SYAP1: variants seen among roughly 807,000 people sequenced by gnomAD.
The protein encoded by SYAP1 is synapse-associated protein 1.
A neutral mutation model predicts 29.6 loss-of-function variants in SYAP1; 3 were observed. The ratio of observed to expected loss-of-function variants is 0.10; its 90% confidence interval spans 0.05 to 0.26. The LOEUF (loss-of-function observed/expected upper bound fraction) is 0.26. Ranked by LOEUF, SYAP1 falls within the 10% of genes least tolerant of loss-of-function variation. The pLI, the probability that SYAP1 is intolerant of heterozygous loss-of-function variation, is 1.00. For synonymous variants in SYAP1, 102 were observed against 102.7 expected (o/e 0.99, Z 0.04); for missense variants, 217 against 264.1 (o/e 0.82, Z 1.24).
intron 8 of SYAP1, among the ~76,000 whole-genome samples, chrX:16,759,895 T>C (rs1926943177): frequency 8.9e-6 from 1 of 112,538 alleles, no homozygotes; most frequent in South Asian, 3.6e-4. Flanking sequence ...TCATTGGTAG[T>C]GGTAAAAATT....
chrX:16,742,143 GTTTT>G (rs144175479), intron 4 of SYAP1, among the ~76,000 whole-genome samples: 2 of 41,872 alleles, frequency 4.8e-5, no homozygotes, highest in African/African-American at 1.3e-4. Context: ...TTTTTGTGTG[GTTTT>G]TTTTTTTTTT....
intron 1 of SYAP1, among the ~76,000 whole-genome samples, chrX:16,726,653 A>G (rs1006601670): frequency 1.8e-5 from 2 of 111,289 alleles, no homozygotes; most frequent in Non-Finnish European, 3.8e-5. Flanking sequence ...TCATGCTTGT[A>G]TATTTATTTA....
chrX:16,742,143 GTTTTTTTTTTTTT>G (rs144175479), intron 4 of SYAP1, among the ~76,000 whole-genome samples: 1 of 41,872 alleles, frequency 2.4e-5, no homozygotes, highest in African/African-American at 1.3e-4. Flanking sequence ...TTTTTGTGTG[GTTTTTTTTTTTTT>G]TTTTTTTTTT....
At chrX:16,752,246 G>A (rs942805455) in intron 5 of SYAP1, among the ~76,000 whole-genome samples, 1 of 108,744 alleles carries the variant, frequency 9.2e-6, no homozygotes, top group Admixed American at 1.0e-4. Flanking sequence ...CAAAGGCACT[G>A]GGACTACAGA....
chrX:16,743,593 C>T (rs1304740859), intron 4 of SYAP1, 108 bp from the exon 5 acceptor site: 7 of 737,845 alleles, frequency 9.5e-6, no homozygotes, highest in African/African-American at 2.2e-5. Context: ...GAGATTGCAC[C>T]ACTGCACTCT....
intron 1 of SYAP1, among the ~76,000 whole-genome samples, chrX:16,722,382 G>A (rs1273795058): frequency 9.0e-6 from 1 of 110,621 alleles, no homozygotes; most frequent in East Asian, 2.8e-4. Flanking sequence ...ACAAAAATTA[G>A]CTGGGCGTGG....
In SYAP1 at chrX:16,727,750, C is replaced by G. The variant is rs144415561; in HGVS notation, c.176-7477C>G. Among the ~76,000 whole-genome samples the G allele has an allele frequency of 5.3e-3, 592 of 111,818 alleles. 7 individuals are homozygous for G. Among genetic ancestry groups the G allele is most frequent in the African/African-American group, 0.018 (551 of 30,816 alleles). On this transcript the variant is annotated intron_variant, in intron 1 of 8. Transcript: ENST00000380155. ...GAGGTCCCAAGATAACTTGGGGTTC[C>G]TGGCCTGTCAGAAGGTGACATTCTT... is the stretch of plus-strand genomic sequence containing the variant.
chrX:16,729,183 A>C (rs1926150945), intron 1 of SYAP1, among the ~76,000 whole-genome samples: 1 of 111,740 alleles, frequency 8.9e-6, no homozygotes, highest in African/African-American at 3.2e-5. Flanking sequence ...ATTTTGGAAC[A>C]CATACCAATA....
At chrX:16,754,667 G>A (rs1248276878) in intron 5 of SYAP1, among the ~76,000 whole-genome samples, 1 of 110,296 alleles carries the variant, frequency 9.1e-6, no homozygotes, top group Non-Finnish European at 1.9e-5. Flanking sequence ...GGCGGAGGTT[G>A]CAGTCAGCTG....
chrX:16,760,404 A>C lies in SYAP1; in HGVS notation c.*45A>C, dbSNP rs144608858. ...ATAATCCTTAACAGTCTGCAAACTGACATTAAATTCTAGATGTTGACAATT... is the reference window on the plus strand; with the variant it reads ...ATAATCCTTAACAGTCTGCAAACTGCCATTAAATTCTAGATGTTGACAATT... On this transcript the variant is annotated 3_prime_UTR_variant, in exon 9 of 9. Coordinates refer to ENST00000380155, the MANE Select transcript of SYAP1 (RefSeq NM_032796.4). 17,203 of 1,077,844 alleles carry C rather than the reference A, an allele frequency of 0.016. 217 individuals are homozygous for C. Among genetic ancestry groups the C allele is most frequent in the Admixed American group, 0.099 (2,972 of 29,966 alleles). The allele number at this position is 1,077,844 out of a possible 1,213,427, so 88.8% of individuals were successfully genotyped here.
intron 1 of SYAP1, among the ~76,000 whole-genome samples, chrX:16,735,017 A>C (rs1275922929): frequency 2.8e-5 from 3 of 105,784 alleles, no homozygotes; most frequent in South Asian, 8.7e-4. Context: ...AAAAAAAAAA[A>C]AAAAACAAAA....
intron 1 of SYAP1, among the ~76,000 whole-genome samples, chrX:16,720,461 T>A (rs1925934705): frequency 8.9e-6 from 1 of 112,269 alleles, no homozygotes; most frequent in Non-Finnish European, 1.9e-5. Context: ...AGATGTTTTA[T>A]GAAAGATATC....
In SYAP1 at chrX:16,737,559, G is replaced by A. The variant is rs188032832; in HGVS notation, c.361+1327G>A. ...GTGATTATTTGGAAGCAGCAAAAGTGATCCTGGCTTGGGGACTTGCTGTAG... is the reference window on the plus strand; with the variant it reads ...GTGATTATTTGGAAGCAGCAAAAGTAATCCTGGCTTGGGGACTTGCTGTAG... On this transcript the variant is annotated intron_variant, in intron 3 of 8. Coordinates refer to ENST00000380155, the MANE Select transcript of SYAP1 (RefSeq NM_032796.4). 3.4e-4 allele frequency among the ~76,000 whole-genome samples: 38 copies of A among 111,911 alleles called. No individual in the cohort carries two copies. In the East Asian group the frequency reaches 7.0e-3, roughly 21 times the overall value.
At chrX:16,721,294 C>T (rs1364522270) in intron 1 of SYAP1, among the ~76,000 whole-genome samples, 1 of 109,947 alleles carries the variant, frequency 9.1e-6, no homozygotes, top group Non-Finnish European at 1.9e-5. Flanking sequence ...TGCAGTGGCA[C>T]GATGTTGGCT....
chrX:16,738,763 C>A (rs1426893511), intron 3 of SYAP1, among the ~76,000 whole-genome samples: 2 of 112,043 alleles, frequency 1.8e-5, no homozygotes, highest in African/African-American at 3.2e-5. Context: ...GGAGAGTTTC[C>A]AGGAGAGCAG....
At chrX:16,758,477 A>G (rs1280326116) in intron 8 of SYAP1, among the ~76,000 whole-genome samples, 1 of 109,663 alleles carries the variant, frequency 9.1e-6, no homozygotes, top group Non-Finnish European at 1.9e-5. Context: ...CCTCCCAGGT[A>G]GCTGGGACTA....
chrX:16,732,505 C>G (rs1423008258), intron 1 of SYAP1, among the ~76,000 whole-genome samples: 1 of 110,460 alleles, frequency 9.1e-6, no homozygotes, highest in African/African-American at 3.3e-5. Context: ...ATCTCCTGAC[C>G]TCGTGATCTG....
At chrX:16,751,704 G>A (rs1271811554) in intron 5 of SYAP1, among the ~76,000 whole-genome samples, 13 of 99,141 alleles carry the variant, frequency 1.3e-4, no homozygotes, top group Non-Finnish European at 6.0e-5. Flanking sequence ...TTGATACGGA[G>A]TTTCGCTATT....
At chrX:16,730,137 T>C (rs1414177599) in intron 1 of SYAP1, among the ~76,000 whole-genome samples, 2 of 111,741 alleles carry the variant, frequency 1.8e-5, no homozygotes, top group Non-Finnish European at 3.8e-5. Flanking sequence ...GGGTGGATCA[T>C]GAGGTCAGGA....
Sources: allele counts gnomAD v4.1 joint callset (sites outside exome capture counted in the v4.1 genomes callset), GRCh38; gene constraint gnomAD v4.1.1; transcripts MANE v1.5; gene names NCBI Gene and HGNC (gene_info 2026-07-23, HGNC 2026-07-21).